GCA: variants seen among roughly 807,000 people sequenced by gnomAD.
GCA encodes grancalcin.
Under a neutral mutation model 32.6 loss-of-function variants are expected in GCA, and 30 were observed. The ratio of observed to expected loss-of-function variants is 0.92; its 90% CI spans 0.69 to 1.25. The LOEUF is 1.25. Among genes scored for constraint, GCA ranks in the 50% most tolerant of loss-of-function variants. The pLI, the probability that GCA is intolerant of heterozygous loss-of-function variation, is 0.00. For synonymous variants in GCA, 102 were observed against 84.6 expected, an observed-to-expected ratio of 1.21 and a Z score of -1.13; for missense variants, 291 against 266.8, an observed-to-expected ratio of 1.09 and a Z score of -0.63.
chr2:162,355,671 A>C (rs148672569), intron 3 of GCA, among the ~76,000 whole-genome samples: 1 of 152,102 alleles, frequency 6.6e-6, no homozygotes, highest in Non-Finnish European at 1.5e-5. Flanking sequence ...TAGTTCTATA[A>C]ATATGAAAGT....
In GCA at chr2:162,359,122, A is replaced by G. The variant is rs779597767; in HGVS notation, c.533A>G (p.Tyr178Cys). Reference sequence around the variant, plus strand: ...AATGGCAGAATTTTCTTTGATGATTATGTTGCTTGCTGTGTGAAGCTTCGA... The same window carrying G: ...AATGGCAGAATTTTCTTTGATGATTGTGTTGCTTGCTGTGTGAAGCTTCGA... ...SKNGRIFFDD[Y>C]VACCVKLRAL... is the part of the protein sequence containing the mutation. The change falls in exon 6 of 8, where the codon TAT becomes TGT. Residue 178 changes from tyrosine (Y) to cysteine (C), a missense_variant. By Grantham distance (194) the Tyr-to-Cys change is radical (BLOSUM62 -2). Transcript: ENST00000437150. 1.7e-5 allele frequency: 28 copies of G among 1,606,418 alleles called. No homozygotes were observed. The South Asian group carries it at 3.0e-4, about 17-fold the overall frequency.
upstream of GCA, among the ~76,000 whole-genome samples, chr2:162,339,719 T>G (rs1351957307): frequency 6.6e-6 from 1 of 152,174 alleles, no homozygotes; most frequent in African/African-American, 2.4e-5. Context: ...AAAGGTCATG[T>G]GAGGACACAG....
chr2:162,374,176 T>C (rs1477731655), downstream of GCA, among the ~76,000 whole-genome samples: 3 of 152,218 alleles, frequency 2.0e-5, no homozygotes, highest in Non-Finnish European at 4.4e-5. Context: ...TATTATTCAT[T>C]GTATTCTTTC....
In GCA at chr2:162,337,754, A is replaced by G. The variant is rs1684316705; in HGVS notation, c.-30-9824A>G. 2.0e-5 allele frequency among the ~76,000 whole-genome samples: 3 copies of G among 152,064 alleles called. No individual in the cohort carries two copies. The South Asian group carries it at 6.2e-4, about 32-fold the overall frequency. ...TTCTCTTTCTTTTACTTCAGTTCCT[A>G]ATTTTGGATAACTCAAGCAATGAAG... On this transcript the variant is annotated intron_variant, in intron 1 of 4. Transcript: ENST00000429691.
upstream of GCA, among the ~76,000 whole-genome samples, chr2:162,341,801 CT>C (rs1684462974): frequency 6.6e-6 from 1 of 152,152 alleles, no homozygotes; most frequent in East Asian, 1.9e-4. Flanking sequence ...TGCAGCCATA[CT>C]CTCAGATTTG....
chr2:162,333,748 G>A (rs559054444), intron 1 of GCA, among the ~76,000 whole-genome samples: 67 of 152,258 alleles, frequency 4.4e-4, no homozygotes, highest in Non-Finnish European at 9.1e-4. Context: ...TGGACTGTGA[G>A]TGATCCCTGA....
intron 1 of GCA, among the ~76,000 whole-genome samples, chr2:162,337,473 T>C (rs1204538857): frequency 6.6e-6 from 1 of 152,204 alleles, no homozygotes; most frequent in East Asian, 1.9e-4. Flanking sequence ...AGTGACTTTA[T>C]TACAATCCCT....
intron 1 of GCA, among the ~76,000 whole-genome samples, chr2:162,336,301 T>C (rs947759122): frequency 6.6e-6 from 1 of 152,220 alleles, no homozygotes; most frequent in Non-Finnish European, 1.5e-5. Flanking sequence ...TATTGATGTG[T>C]AGATTTATTT....
intron 1 of GCA, among the ~76,000 whole-genome samples, chr2:162,338,365 G>A (rs1250672407): frequency 3.3e-5 from 5 of 152,254 alleles, no homozygotes; most frequent in African/African-American, 7.2e-5. Flanking sequence ...TTGATGAAAC[G>A]ATTTTTAATT....
rs1433254342 is a variant in GCA, at chr2:162,360,344, C to G, written c.*101C>G. 6.7e-7 allele frequency: 1 copy of G among 1,495,744 alleles called. No individual in the cohort carries two copies. Among genetic ancestry groups the G allele is most frequent in the East Asian group, 2.5e-5 (1 of 39,848 alleles). The allele number at this position is 1,495,744 out of a possible 1,614,324, so 92.7% of individuals were successfully genotyped here. On this transcript the variant is annotated 3_prime_UTR_variant, in exon 8 of 8. Coordinates refer to ENST00000437150, the MANE Select transcript of GCA (RefSeq NM_012198.5). ...CTTTTAAGGGTTTTCTATGTTCTTC[C>G]TACCTGTTAAACCTCTTCCCTTTCT... is the stretch of plus-strand genomic sequence containing the variant.
At chr2:162,363,899 A>G (rs75067259), downstream of GCA, among the ~76,000 whole-genome samples, 812 of 151,654 alleles carry the variant, frequency 5.4e-3, 8 homozygotes, top group Non-Finnish European at 8.5e-3. Flanking sequence ...GTGAGTAGAC[A>G]TTGGCAACAC....
At chr2:162,372,906 C>T (rs1436840374), downstream of GCA, among the ~76,000 whole-genome samples, 1 of 152,130 alleles carries the variant, frequency 6.6e-6, no homozygotes. Flanking sequence ...GCTTCTCTTA[C>T]CATGTTTATC....
downstream of GCA, among the ~76,000 whole-genome samples, chr2:162,363,407 A>G (rs1180514780): frequency 6.6e-6 from 1 of 151,410 alleles, no homozygotes; most frequent in Admixed American, 6.6e-5. Context: ...GAATAAATAC[A>G]TAATGCTAAA....
At chr2:162,367,790 A>G (rs1176467769), downstream of GCA, among the ~76,000 whole-genome samples, 1 of 152,000 alleles carries the variant, frequency 6.6e-6, no homozygotes, top group Non-Finnish European at 1.5e-5. Flanking sequence ...CAAGGAACTC[A>G]GCATTTTTTG....
At chr2:162,368,598 A>G (rs1194789049) in intron 4 of GCA, among the ~76,000 whole-genome samples, 1 of 151,990 alleles carries the variant, frequency 6.6e-6, no homozygotes, top group Non-Finnish European at 1.5e-5. Context: ...TTTTCTGGTC[A>G]TTTTGGAACC....
chr2:162,360,945 C>T lies in GCA; in HGVS notation c.*702C>T. On this transcript the variant is annotated 3_prime_UTR_variant, in exon 8 of 8. Coordinates refer to ENST00000437150, the MANE Select transcript of GCA (RefSeq NM_012198.5). ...TAGTATTTCTCTCTGCGTCCTATTT[C>T]ATTAGTGAAGACATAGTTCACCTAA... is the stretch of plus-strand genomic sequence containing the variant. 8.8e-7 allele frequency: 1 copy of T among 1,140,150 alleles called. No homozygotes were observed. The highest frequency in any genetic ancestry group is 3.9e-5 in the East Asian group (1 of 25,626). 70.6% of individuals were successfully genotyped at this position (1,140,150 alleles called of 1,614,324 possible). A position where few individuals can be genotyped will look rare whatever the true frequency, so the allele number is the denominator to read the frequency against.
Position 162,362,290 on chromosome 2 carries a change from A to T in GCA, c.*2047A>T. ...TAGCAAAACCTAACATTCTATGCCG[A>T]TCCAACTTAATTGCCAGGCAACTCT... On this transcript the variant is annotated 3_prime_UTR_variant, in exon 8 of 8. Transcript: ENST00000437150. 7 of 984,572 alleles carry T rather than the reference A, an allele frequency of 7.1e-6. No homozygotes were observed. The highest frequency in any genetic ancestry group is 8.4e-6 in the Non-Finnish European group (7 of 829,448). The allele number at this position is 984,572 out of a possible 1,614,324, so 61.0% of individuals were successfully genotyped here. A position where few individuals can be genotyped will look rare whatever the true frequency, so the allele number is the denominator to read the frequency against.
rs140140233 is a variant in GCA at position 162,321,077 on chromosome 2, A to G, written c.-31+1852A>G. Among the ~76,000 whole-genome samples, 143 of 152,310 alleles carry G rather than the reference A, an allele frequency of 9.4e-4. 1 individual carries two copies. Among genetic ancestry groups the G allele is most frequent in the African/African-American group, 3.0e-3 (123 of 41,584 alleles). ...GGGACTTCTTTTTTAGGAATCTCCC[A>G]TAGTCTTGATGGGACCCTTTTTGGA... On this transcript the variant is annotated intron_variant, in intron 1 of 4. Transcript: ENST00000429691.
chr2:162,372,701 A>G (rs1480277633), downstream of GCA, among the ~76,000 whole-genome samples: 1 of 152,134 alleles, frequency 6.6e-6, no homozygotes, highest in Non-Finnish European at 1.5e-5. Context: ...CCGAACATCT[A>G]AAAAAGTTTT....
Sources: gnomAD v4.1 joint callset for allele counts (sites outside exome capture counted in the v4.1 genomes callset) on GRCh38, gnomAD v4.1.1 for gene constraint, MANE v1.5 for transcripts, NCBI Gene and HGNC (gene_info 2026-07-23, HGNC 2026-07-21) for gene names.